The following FARS2 variants were observed in gnomAD, a reference collection of about 807,000 sequenced individuals.
FARS2 encodes phenylalanine--tRNA ligase, mitochondrial.
In FARS2, 40 loss-of-function variants were observed where a neutral mutation model predicts 46.4. The observed-to-expected ratio is 0.86, with a 90% CI of 0.67 to 1.12. The LOEUF (loss-of-function observed/expected upper bound fraction) is 1.12, where lower values mean the gene tolerates loss of function less well. Ranked by LOEUF, FARS2 falls within the 50% of genes most tolerant of loss-of-function variation. FARS2 has a pLI of 0.00. For missense variants in FARS2, 513 were observed against 567.9 expected, an observed-to-expected ratio of 0.90 and a Z score of 0.98; for synonymous variants, 234 against 214.9, an observed-to-expected ratio of 1.09 and a Z score of -0.78.
chr6:5,720,874 C>T (rs12333011), intron 6 of FARS2, among the ~76,000 whole-genome samples: 98 of 152,160 alleles, frequency 6.4e-4, no homozygotes, highest in African/African-American at 2.3e-3. Flanking sequence ...TAGCAAGACC[C>T]CCATCACTAC....
intron 4 of FARS2, among the ~76,000 whole-genome samples, chr6:5,531,846 G>C (rs910543494): frequency 1.3e-5 from 2 of 152,180 alleles, no homozygotes; most frequent in Admixed American, 6.5e-5. Context: ...TTACCTAGCT[G>C]TGCTGACCTT....
intron 4 of FARS2, among the ~76,000 whole-genome samples, chr6:5,483,423 A>G (rs1766591047): frequency 6.6e-6 from 1 of 152,146 alleles, no homozygotes; most frequent in Non-Finnish European, 1.5e-5. Flanking sequence ...TCATGGCTAT[A>G]ATCCCAGGCC....
intron 6 of FARS2, among the ~76,000 whole-genome samples, chr6:5,628,059 C>T (rs1352244500): frequency 6.6e-6 from 1 of 152,264 alleles, no homozygotes; most frequent in East Asian, 1.9e-4. Context: ...TTGGTCATAT[C>T]CTATACAAAA....
chr6:5,470,507 G>A (rs1765752017), intron 4 of FARS2, among the ~76,000 whole-genome samples: 2 of 152,150 alleles, frequency 1.3e-5, no homozygotes, highest in Admixed American at 1.3e-4. Context: ...ATGTATACAT[G>A]TTAAGTATCA....
At chr6:5,328,086 A>T (rs1264923036) in intron 1 of FARS2, among the ~76,000 whole-genome samples, 1 of 152,152 alleles carries the variant, frequency 6.6e-6, no homozygotes, top group Non-Finnish European at 1.5e-5. Flanking sequence ...CTTTGCATTC[A>T]CCTTAAAATA....
chr6:5,499,063 A>T (rs944265693), intron 4 of FARS2, among the ~76,000 whole-genome samples: 1 of 152,096 alleles, frequency 6.6e-6, no homozygotes, highest in Non-Finnish European at 1.5e-5. Flanking sequence ...ACGCCCAGCA[A>T]ATTTTTGTAT....
At chr6:5,542,247 G>A (rs1770684337) in intron 4 of FARS2, among the ~76,000 whole-genome samples, 1 of 152,084 alleles carries the variant, frequency 6.6e-6, no homozygotes, top group Admixed American at 6.6e-5. Context: ...ATTTTACCCA[G>A]CTCCTACTCA....
intron 5 of FARS2, among the ~76,000 whole-genome samples, chr6:5,556,091 G>A (rs1000611538): frequency 6.6e-6 from 1 of 152,050 alleles, no homozygotes; most frequent in Admixed American, 6.6e-5. Context: ...GGATGATAGC[G>A]GGTACTGGAA....
At chr6:5,435,639 A>G (rs1033697936) in intron 4 of FARS2, among the ~76,000 whole-genome samples, 18 of 152,138 alleles carry the variant, frequency 1.2e-4, no homozygotes, top group Non-Finnish European at 2.4e-4. Flanking sequence ...ACGTCCCCAA[A>G]TACTACACAC....
chr6:5,661,779 G>T (rs911753658), intron 6 of FARS2, among the ~76,000 whole-genome samples: 3 of 146,428 alleles, frequency 2.0e-5, no homozygotes, highest in Admixed American at 1.3e-4. Context: ...GACAACTGAA[G>T]AAAAGAAGAG....
chr6:5,391,359 T>G (rs1760501235), intron 2 of FARS2, among the ~76,000 whole-genome samples: 1 of 152,146 alleles, frequency 6.6e-6, no homozygotes, highest in Non-Finnish European at 1.5e-5. Context: ...TTGTGAAGAT[T>G]AAAGAAAACC....
At chr6:5,598,950 G>A (rs1774355256) in intron 5 of FARS2, among the ~76,000 whole-genome samples, 2 of 152,174 alleles carry the variant, frequency 1.3e-5, no homozygotes, top group Admixed American at 1.3e-4. Context: ...TCTGTACACT[G>A]GAACAGTCAG....
chr6:5,669,880 A>G (rs1295529587), intron 6 of FARS2, among the ~76,000 whole-genome samples: 2 of 152,282 alleles, frequency 1.3e-5, no homozygotes, highest in African/African-American at 2.4e-5. Context: ...GCCTGCCTCT[A>G]ACCCCACACC....
At chr6:5,543,641 G>A (rs142174779) in intron 4 of FARS2, among the ~76,000 whole-genome samples, 3,225 of 152,178 alleles carry the variant, frequency 0.021, 122 homozygotes, top group African/African-American at 0.073. Flanking sequence ...GATTACAGGC[G>A]TGAGCCACCG....
At chr6:5,729,451 G>A (rs1448664185) in intron 6 of FARS2, among the ~76,000 whole-genome samples, 1 of 152,224 alleles carries the variant, frequency 6.6e-6, no homozygotes, top group East Asian at 1.9e-4. Context: ...GTCACTGGAG[G>A]AAATGGGCAA....
intron 1 of FARS2, among the ~76,000 whole-genome samples, chr6:5,314,734 G>C (rs1016361237): frequency 3.9e-5 from 6 of 152,166 alleles, no homozygotes; most frequent in Non-Finnish European, 5.9e-5. Context: ...GTCGATATGG[G>C]GTTACCACTG....
intron 6 of FARS2, among the ~76,000 whole-genome samples, chr6:5,618,578 A>G (rs1277861568): frequency 6.6e-6 from 1 of 152,200 alleles, no homozygotes; most frequent in African/African-American, 2.4e-5. Flanking sequence ...GCCGAAGAAG[A>G]GCCTAATTTC....
chr6:5,446,851 G>A (rs1008859700), intron 4 of FARS2, among the ~76,000 whole-genome samples: 1 of 152,162 alleles, frequency 6.6e-6, no homozygotes, highest in Admixed American at 6.5e-5. Flanking sequence ...TTCCCCCGCT[G>A]TGTCATGACC....
At chr6:5,757,441 T>G (rs1227015328) in intron 6 of FARS2, among the ~76,000 whole-genome samples, 1 of 152,106 alleles carries the variant, frequency 6.6e-6, no homozygotes, top group African/African-American at 2.4e-5. Context: ...GTAGCAAAGA[T>G]AGCCAGACCT....
Sources: gnomAD v4.1 joint callset for allele counts (sites outside exome capture counted in the v4.1 genomes callset) on GRCh38, gnomAD v4.1.1 for gene constraint, MANE v1.5 for transcripts, NCBI Gene and HGNC (gene_info 2026-07-23, HGNC 2026-07-21) for gene names.